NELL2: variants seen among roughly 807,000 people sequenced by gnomAD.
NELL2 encodes the protein protein kinase C-binding protein NELL2.
Under a neutral mutation model 109.6 loss-of-function variants are expected in NELL2, and 41 were observed. The ratio of observed to expected loss-of-function variants is 0.37; its 90% CI spans 0.29 to 0.49. The LOEUF is 0.49. NELL2 is among the 20% of genes least tolerant of loss of function. The pLI is 0.98. For missense variants in NELL2, 900 were observed against 1,008.3 expected (o/e 0.89, Z 1.45); for synonymous variants, 355 against 344.7 (o/e 1.03, Z -0.33).
At chr12:44,599,628 A>C (rs1565995541) in intron 15 of NELL2, among the ~76,000 whole-genome samples, 1 of 152,128 alleles carries the variant, frequency 6.6e-6, no homozygotes, top group Non-Finnish European at 1.5e-5. Context: ...AGAAGGAGAG[A>C]ATAAAGAGAA....
intron 15 of NELL2, among the ~76,000 whole-genome samples, chr12:44,537,574 C>CTATCTATAT (rs1271376200): frequency 1.3e-5 from 2 of 152,058 alleles, no homozygotes; most frequent in African/African-American, 4.8e-5. Flanking sequence ...GGCACTTGTT[C>CTATCTATAT]TATCTATATC....
intron 2 of NELL2, among the ~76,000 whole-genome samples, chr12:44,821,828 G>C (rs114673363): frequency 6.6e-6 from 1 of 151,480 alleles, no homozygotes; most frequent in South Asian, 2.1e-4. Context: ...ACTGATTCTC[G>C]TGCCTCAATC....
chr12:44,586,721 CT>C (rs1483279009), intron 15 of NELL2, among the ~76,000 whole-genome samples: 9 of 152,126 alleles, frequency 5.9e-5, no homozygotes, highest in Non-Finnish European at 1.3e-4. Context: ...CAGTAGTTAG[CT>C]TTTTTCCCAT....
rs1218128339 is a variant in NELL2, at chr12:44,770,006, G to A, written c.994+4741C>T. On this transcript the variant is annotated intron_variant, in intron 9 of 19. Coordinates refer to ENST00000429094, the MANE Select transcript of NELL2 (RefSeq NM_001145108.2). ...AAGAGAGTGGTCTTGGGGAAATCAG[G>A]ACACAATTTGAGAGAAAAAAATTAC... Among the ~76,000 whole-genome samples, 5 of 152,162 alleles carry A rather than the reference G, an allele frequency of 3.3e-5. No homozygotes were observed. The East Asian group carries it at 9.7e-4, about 29-fold the overall frequency.
intron 16 of NELL2, among the ~76,000 whole-genome samples, chr12:44,524,947 ATATTTGGTC>A (rs142346424): frequency 1.2e-4 from 18 of 152,228 alleles, no homozygotes; most frequent in African/African-American, 4.3e-4. Context: ...AGCTAGTTTT[ATATTTGGTC>A]TATTTGGAAT....
intron 12 of NELL2, among the ~76,000 whole-genome samples, chr12:44,670,720 A>G (rs956381727): frequency 5.3e-5 from 8 of 152,084 alleles, no homozygotes; most frequent in Admixed American, 1.3e-4. Flanking sequence ...GTCAATATAG[A>G]TGACAAAGGA....
chr12:44,724,817 GAA>G (rs1555205665), intron 9 of NELL2, among the ~76,000 whole-genome samples: 26 of 116,882 alleles, frequency 2.2e-4, no homozygotes, highest in African/African-American at 2.8e-4. Context: ...ATCCTAAGGG[GAA>G]AAAAAAAAAA....
At chr12:44,842,274 T>A (rs946702539) in intron 2 of NELL2, among the ~76,000 whole-genome samples, 2 of 151,732 alleles carry the variant, frequency 1.3e-5, no homozygotes, top group Non-Finnish European at 2.9e-5. Context: ...GCTTAGAGAG[T>A]CTAGGAACAG....
intron 12 of NELL2, among the ~76,000 whole-genome samples, chr12:44,688,053 A>G (rs1273432124): frequency 6.6e-6 from 1 of 152,176 alleles, no homozygotes; most frequent in Non-Finnish European, 1.5e-5. Flanking sequence ...TTAACCTGCT[A>G]TTTATTTACA....
intron 13 of NELL2, among the ~76,000 whole-genome samples, chr12:44,665,086 C>T (rs918199539): frequency 6.8e-6 from 1 of 147,316 alleles, no homozygotes; most frequent in East Asian, 2.0e-4. Flanking sequence ...AGTCCCATGT[C>T]CTAGAACTCT....
At chr12:44,724,817 G>GGA (rs1555205666) in intron 9 of NELL2, among the ~76,000 whole-genome samples, 62 of 116,910 alleles carry the variant, frequency 5.3e-4, no homozygotes, top group African/African-American at 1.6e-3. Flanking sequence ...ATCCTAAGGG[G>GGA]AAAAAAAAAA....
chr12:44,874,935 G>T, intron 2 of NELL2: 2 of 275,262 alleles, frequency 7.3e-6, no homozygotes, highest in African/African-American at 2.2e-5. Flanking sequence ...ATAATTCATT[G>T]TTCCCCAGAT....
intron 13 of NELL2, among the ~76,000 whole-genome samples, chr12:44,654,158 T>C (rs558290057): frequency 6.6e-6 from 1 of 152,220 alleles, no homozygotes; most frequent in Admixed American, 6.5e-5. Context: ...CATACTGTGC[T>C]GTAATGATTG....
At chr12:44,741,983 T>C (rs187600092) in intron 9 of NELL2, among the ~76,000 whole-genome samples, 180 of 152,178 alleles carry the variant, frequency 1.2e-3, no homozygotes, top group Non-Finnish European at 1.8e-3. Flanking sequence ...AGCACACAGT[T>C]TGAGATCTTA....
chr12:44,667,024 C>T (rs1947947268), intron 12 of NELL2, among the ~76,000 whole-genome samples: 1 of 152,180 alleles, frequency 6.6e-6, no homozygotes, highest in Non-Finnish European at 1.5e-5. Flanking sequence ...GTCCCTCCTA[C>T]AAAAACTTCC....
At chr12:44,618,891 T>G (rs1441816284) in intron 13 of NELL2, among the ~76,000 whole-genome samples, 1 of 152,190 alleles carries the variant, frequency 6.6e-6, no homozygotes. Context: ...ATAAAAGGCC[T>G]GTTCGGGTAG....
At chr12:44,783,246 G>A (rs1942031594) in intron 3 of NELL2, among the ~76,000 whole-genome samples, 1 of 151,174 alleles carries the variant, frequency 6.6e-6, no homozygotes. Context: ...ATACTTGAGA[G>A]AGAAATTTAT....
At chr12:44,895,549 T>C (rs1261377106) in intron 1 of NELL2, among the ~76,000 whole-genome samples, 2 of 152,178 alleles carry the variant, frequency 1.3e-5, no homozygotes, top group Non-Finnish European at 2.9e-5. Flanking sequence ...GGTTAAGTGA[T>C]TGTGACCATC....
chr12:44,875,527 T>C, intron 1 of NELL2, 174 bp from the exon 2 acceptor site: 1 of 1,613,730 alleles, frequency 6.2e-7, no homozygotes, highest in Non-Finnish European at 8.5e-7. Flanking sequence ...CAGCCAAGCT[T>C]TAAATAGCGG....
Sources: allele counts gnomAD v4.1 joint callset (sites outside exome capture counted in the v4.1 genomes callset), GRCh38; gene constraint gnomAD v4.1.1; transcripts MANE v1.5; gene names NCBI Gene and HGNC (gene_info 2026-07-23, HGNC 2026-07-21).